Variants in CDK20 observed in about 807,000 individuals in gnomAD.
CDK20 encodes the protein cyclin dependent kinase 20, also known as cyclin-dependent kinase 20.
In CDK20, 40 loss-of-function variants were observed where a neutral mutation model predicts 38.6. The ratio of observed to expected loss-of-function variants is 1.04; its 90% CI spans 0.81 to 1.35. The LOEUF is 1.35. Ranked by LOEUF, CDK20 falls within the 40% of genes most tolerant of loss-of-function variation. CDK20 has a pLI of 0.00. For synonymous variants in CDK20, 209 were observed against 185.7 expected, an observed-to-expected ratio of 1.13 and a Z score of -1.02; for missense variants, 512 against 452.6, an observed-to-expected ratio of 1.13 and a Z score of -1.19.
chr9:87,974,116 A>C, intron 1 of CDK20, 81 bp from the exon 2 acceptor site: 1 of 1,600,800 alleles, frequency 6.2e-7, no homozygotes, highest in Non-Finnish European at 8.5e-7. Flanking sequence ...AAGGTGGTTG[A>C]GAGAGAGACA....
intron 6 of CDK20, 181 bp from the exon 7 acceptor site, chr9:87,969,530 G>T: frequency 1.3e-6 from 1 of 787,940 alleles, no homozygotes; most frequent in African/African-American, 1.7e-5. Context: ...CCATCCCCTT[G>T]CCCTCTCAGA....
Position 87,969,935 on chromosome 9 carries a change from C to CGA in CDK20, c.564-17_564-16insTC. ...GCCCACAGACCTGTGGACACAGAGC[C>CGA]CCAAGCAGGTCAGAGATCTCCCACC... On this transcript the variant is annotated splice_polypyrimidine_tract_variant and intron_variant, in intron 5 of 7. Transcript: ENST00000325303. The CGA allele has an allele frequency of 6.5e-7, 1 of 1,542,548 alleles. No homozygotes were observed. Among genetic ancestry groups the CGA allele is most frequent in the African/African-American group, 1.4e-5 (1 of 72,790 alleles).
Position 87,971,174 on chromosome 9 carries a change from G to A in CDK20, c.351C>T (p.Phe117=). ...YLQMLLKGVA[F]CHANNIVHRD... The stretch of plus-strand genomic sequence containing the variant: ...GATGTACAATGTTGTTGGCATGGCA[G>A]AAGGCGACACCCTTGAGCAGCATCT... The change falls in exon 3 of 8, where the codon TTC becomes TTT. Residue 117 remains phenylalanine, a synonymous_variant. Coordinates refer to ENST00000325303, the MANE Select transcript of CDK20 (RefSeq NM_001039803.3). 1 of 1,614,184 alleles carries A rather than the reference G, an allele frequency of 6.2e-7. No homozygotes were observed. Among genetic ancestry groups the A allele is most frequent in the Non-Finnish European group, 8.5e-7 (1 of 1,180,020 alleles).
rs763406169 is a variant in CDK20 at position 87,970,841 on chromosome 9, G to A, written c.435C>T (p.Asp145=). Reference sequence around the variant, plus strand: ...GGGAAAAGACTCGAGCCAGGCCAAAGTCCGCTATCTTGAGCTGGCCTGAGG... The same window carrying A: ...GGGAAAAGACTCGAGCCAGGCCAAAATCCGCTATCTTGAGCTGGCCTGAGG... The part of the protein sequence containing the change: ...ISASGQLKIA[D]FGLARVFSPD... The change falls in exon 4 of 8, where the codon GAC becomes GAT. Residue 145 remains aspartate (D), a synonymous_variant. Coordinates refer to ENST00000325303, the MANE Select transcript of CDK20 (RefSeq NM_001039803.3). 3 of 1,614,096 alleles carry A rather than the reference G, an allele frequency of 1.9e-6. No homozygotes were observed. The highest frequency in any genetic ancestry group is 2.5e-6 in the Non-Finnish European group (3 of 1,180,054).
At chr9:87,974,289 G>T in intron 1 of CDK20, 83 bp downstream of exon 1, 1 of 1,441,830 alleles carries the variant, frequency 6.9e-7, no homozygotes. Context: ...GATGTAAAAA[G>T]GGAACCGAAA....
Position 87,971,320 on chromosome 9 carries a change from C to T in CDK20, c.205G>A (p.Ala69Thr), listed in dbSNP as rs755317703. The change falls in exon 3 of 8, where the codon GCT (alanine) becomes ACT (threonine). Residue 69 changes from alanine to threonine, a missense_variant. By Grantham distance (58) the Ala-to-Thr change is moderately conservative. Transcript: ENST00000325303. ...AAGCCTCCACCGTGTGGGAACACAG[C>T]CTTCAGTTGTACCACCTGTGGGCAG... ...EDNQYVVQLK[A>T]VFPHGGGFVL... 5 of 1,612,966 alleles carry T rather than the reference C, an allele frequency of 3.1e-6. No homozygotes were observed. The highest frequency in any genetic ancestry group is 4.2e-6 in the Non-Finnish European group (5 of 1,179,494).
chr9:87,970,959 G>A, intron 3 of CDK20, 62 bp from the exon 4 acceptor site: 2 of 1,603,044 alleles, frequency 1.2e-6, no homozygotes, highest in African/African-American at 1.3e-5. Flanking sequence ...GGGACAAGCG[G>A]GCTTGGCAGT....
chr9:87,970,449 C>T, intron 5 of CDK20, 119 bp downstream of exon 5: 2 of 907,248 alleles, frequency 2.2e-6, no homozygotes, highest in Non-Finnish European at 3.3e-6. Context: ...CCAGGGAAGA[C>T]ACCCTTAAGG....
rs771482988 is a variant in CDK20 at position 87,974,081 on chromosome 9, AAG to A, written c.76-48_76-47del. On this transcript the variant is annotated intron_variant, in intron 1 of 7. Coordinates refer to ENST00000325303, the MANE Select transcript of CDK20 (RefSeq NM_001039803.3). ...ACTGCCAGCCCACCCTCGGCTGGGA[AAG>A]AGAGATGAAGGTGGGTGAGGGGAAG... 2.2e-5 allele frequency: 36 copies of A among 1,612,218 alleles called. No individual in the cohort carries two copies. Among genetic ancestry groups the A allele is most frequent in the African/African-American group, 1.1e-4 (8 of 74,922 alleles).
chr9:87,970,072 G>T (rs751824666), intron 5 of CDK20, 153 bp from the exon 6 acceptor site: 22 of 823,188 alleles, frequency 2.7e-5, no homozygotes, highest in Non-Finnish European at 4.0e-5. Context: ...AACCCTCAAA[G>T]CCCTCAACCC....
chr9:87,972,778 A>C (rs1253754647), intron 2 of CDK20, among the ~76,000 whole-genome samples: 1 of 152,198 alleles, frequency 6.6e-6, no homozygotes, highest in African/African-American at 2.4e-5. Context: ...TAGGGACCAT[A>C]TCACCAGCTT....
At chr9:87,974,127 C>G (rs1830062929) in intron 1 of CDK20, 92 bp from the exon 2 acceptor site, 8 of 1,591,666 alleles carry the variant, frequency 5.0e-6, no homozygotes, top group Non-Finnish European at 6.8e-6. Context: ...GAGAGAGACA[C>G]GCGCCCCCGG....
In CDK20 at chr9:87,970,300, A is replaced by G. The variant is rs562277018; in HGVS notation, c.563+268T>C. 4 of 510,850 alleles carry G rather than the reference A, an allele frequency of 7.8e-6. No individual in the cohort carries two copies. In the South Asian group the frequency reaches 1.0e-4, roughly 13 times the overall value. The allele number at this position is 510,850 out of a possible 1,614,324, so 31.6% of individuals were successfully genotyped here. A position where few individuals can be genotyped will look rare whatever the true frequency, so the allele number is the denominator to read the frequency against. ...ATATCCTAGGATCTAACTCCAGCAC[A>G]TATCGGCTCAGACCACCTCCCCATC... On this transcript the variant is annotated intron_variant, in intron 5 of 7. Transcript: ENST00000325303.
chr9:87,966,810 T>C lies in CDK20; in HGVS notation c.*652A>G. 1 of 349,746 alleles carries C rather than the reference T, an allele frequency of 2.9e-6. No homozygotes were observed. Among genetic ancestry groups the C allele is most frequent in the Admixed American group, 3.8e-5 (1 of 26,430 alleles). 21.7% of individuals were successfully genotyped at this position (349,746 alleles called of 1,614,324 possible). A position where few individuals can be genotyped will look rare whatever the true frequency, so the allele number is the denominator to read the frequency against. On this transcript the variant is annotated 3_prime_UTR_variant, in exon 8 of 8. Transcript: ENST00000325303. The stretch of plus-strand genomic sequence containing the variant: ...GACTTCTGTCTCCCTCACTTCTAAA[T>C]GAGTGCTCAGTGATGTGAAGTACAC...
At chr9:87,970,698 A>G in intron 4 of CDK20, 68 bp from the exon 5 acceptor site, 1 of 1,612,570 alleles carries the variant, frequency 6.2e-7, no homozygotes. Flanking sequence ...CCCCAGCCCC[A>G]CAAGCAATGT....
chr9:87,974,056 A>G (rs1169167220), intron 1 of CDK20, 21 bp from the exon 2 acceptor site: 6 of 1,613,898 alleles, frequency 3.7e-6, no homozygotes, highest in Admixed American at 1.7e-5. Context: ...GAAGGCAGAC[A>G]CTGCCAGCCC....
chr9:87,971,043 C>T, intron 3 of CDK20, 104 bp downstream of exon 3: 3 of 1,498,390 alleles, frequency 2.0e-6, no homozygotes, highest in Non-Finnish European at 1.8e-6. Context: ...GAGGCCTTGA[C>T]CAGCTCTGTC....
intron 7 of CDK20, 84 bp downstream of exon 7, chr9:87,969,109 TG>T: frequency 6.8e-7 from 1 of 1,463,122 alleles, no homozygotes; most frequent in Non-Finnish European, 9.4e-7. Context: ...GCTGATGTGA[TG>T]GGGTCACATG....
In CDK20 at chr9:87,966,588, T is replaced by C. The variant is rs1156602842; in HGVS notation, c.*874A>G. ...ATCTTTTATAATCACCTTATCAAAT[T>C]ATAATAAGGAAAAAGCACTAGCTGG... On this transcript the variant is annotated 3_prime_UTR_variant, in exon 8 of 8. Coordinates refer to ENST00000325303, the MANE Select transcript of CDK20 (RefSeq NM_001039803.3). 6.2e-6 allele frequency: 1 copy of C among 162,300 alleles called. No homozygotes were observed. Among genetic ancestry groups the C allele is most frequent in the Non-Finnish European group, 1.4e-5 (1 of 73,198 alleles). The allele number at this position is 162,300 out of a possible 1,614,324, so 10.1% of individuals were successfully genotyped here.
Sources: allele counts gnomAD v4.1 joint callset (sites outside exome capture counted in the v4.1 genomes callset), GRCh38; gene constraint gnomAD v4.1.1; transcripts MANE v1.5; gene names NCBI Gene and HGNC (gene_info 2026-07-23, HGNC 2026-07-21).